The following SYT15 variants were observed in gnomAD, a reference collection of about 807,000 sequenced individuals.
SYT15 encodes the protein synaptotagmin-15.
SYT15 carries 4 observed loss-of-function variants against 30.1 expected under a neutral mutation model. The ratio of observed to expected loss-of-function variants is 0.13; its 90% CI spans 0.07 to 0.30. SYT15 has a LOEUF of 0.30. Among genes scored for constraint, SYT15 ranks in the 10% least tolerant of loss-of-function variants. The pLI, the probability that SYT15 is intolerant of heterozygous loss-of-function variation, is 1.00. For missense variants in SYT15, 49 were observed against 371.7 expected (o/e 0.13, Z 7.14); for synonymous variants, 19 against 166.3 (o/e 0.11, Z 6.82).
downstream of SYT15, among the ~76,000 whole-genome samples, chr10:46,594,800 T>A (rs1342597476): frequency 3.8e-5 from 4 of 104,980 alleles, no homozygotes; most frequent in African/African-American, 1.8e-4. Flanking sequence ...AAAAACTTTT[T>A]AAAAAAGTTT....
At chr10:46,586,494 C>T (rs184990008) in intron 7 of SYT15, among the ~76,000 whole-genome samples, 1 of 90,314 alleles carries the variant, frequency 1.1e-5, no homozygotes, top group Non-Finnish European at 2.1e-5. Flanking sequence ...TGCAGTGAGC[C>T]GAGATCGCAC....
chr10:46,580,183 TG>T lies in SYT15; in HGVS notation c.32del (p.Gly11AlafsTer11). ...CCCCAGAGCAGCTGGCCCTGGTGAT[TG>T]GGGGCACCATCGGGGGGCTGCTGCT... MAEQLALVIGGTIGGLLLLL... is the reference protein window; with the variant it reads MAEQLALVIXGTIGGLLLLL... On this transcript the variant is annotated frameshift_variant, in exon 2 of 8. Coordinates refer to ENST00000374321, the MANE Select transcript of SYT15 (RefSeq NM_031912.5). LOFTEE classifies it high-confidence loss of function. 1.7e-6 allele frequency: 2 copies of T among 1,210,106 alleles called. No homozygotes were observed. 75.0% of individuals were successfully genotyped at this position (1,210,106 alleles called of 1,614,324 possible).
rs1201121480 is a variant in SYT15 at position 46,580,608 on chromosome 10, T to C, written c.212+240T>C. Among the ~76,000 whole-genome samples, 3 of 135,706 alleles carry C rather than the reference T, an allele frequency of 2.2e-5. 1 individual carries two copies. Among genetic ancestry groups the C allele is most frequent in the African/African-American group, 6.0e-5 (2 of 33,330 alleles). 89.0% of individuals were successfully genotyped at this position (135,706 alleles called of 152,430 possible). Reference sequence around the variant, plus strand: ...AGGTCCAGAGAACACAATTAGTAAGTGGCAGAACAGGAATCCAAACCCAGA... The same window carrying C: ...AGGTCCAGAGAACACAATTAGTAAGCGGCAGAACAGGAATCCAAACCCAGA... On this transcript the variant is annotated intron_variant, in intron 2 of 7. Transcript: ENST00000374321.
At chr10:46,595,723 A>G (rs1845659026), downstream of SYT15, among the ~76,000 whole-genome samples, 1 of 131,692 alleles carries the variant, frequency 7.6e-6, no homozygotes, top group Admixed American at 7.7e-5. Context: ...AAGTGCTGGG[A>G]TTACAGGTGT....
chr10:46,593,719 T>TC (rs1355746971), downstream of SYT15: 1 of 132,024 alleles, frequency 7.6e-6, no homozygotes, highest in Admixed American at 7.5e-5. Flanking sequence ...ATTTAACTGT[T>TC]CCTTCTGCCC....
Position 46,588,715 on chromosome 10 carries a change from G to A in SYT15, c.*1068G>A. The A allele has an allele frequency of 2.2e-6, 2 of 909,756 alleles. No individual in the cohort carries two copies. The highest frequency in any genetic ancestry group is 1.0e-4 in the South Asian group (2 of 19,570). The allele number at this position is 909,756 out of a possible 1,614,324, so 56.4% of individuals were successfully genotyped here. On this transcript the variant is annotated 3_prime_UTR_variant, in exon 8 of 8. Transcript: ENST00000374321. ...TTTTTTTTTTATTTTAATTTTTTGA[G>A]ACGGAGTTTCCCTCTTGTCACCCAG...
At chr10:46,586,628 C>T (rs556542348) in intron 7 of SYT15, among the ~76,000 whole-genome samples, 1 of 141,274 alleles carries the variant, frequency 7.1e-6, no homozygotes, top group Non-Finnish European at 1.5e-5. Flanking sequence ...GGGTGGATCA[C>T]GACGTCAAGA....
At chr10:46,594,683 C>T (rs1359347247), downstream of SYT15, among the ~76,000 whole-genome samples, 1 of 133,336 alleles carries the variant, frequency 7.5e-6, no homozygotes, top group Non-Finnish European at 1.6e-5. Flanking sequence ...AAAATCAGCA[C>T]GTTTCCTGAA....
chr10:46,596,168 C>CT, downstream of SYT15: 1 of 148,610 alleles, frequency 6.7e-6, no homozygotes, highest in Non-Finnish European at 1.5e-5. Context: ...GAGGAACCCC[C>CT]CTACTGCAGA....
intron 2 of SYT15, among the ~76,000 whole-genome samples, 190 bp from the exon 3 acceptor site, chr10:46,580,680 CTGTGTGTGTGTGTGTGTGTGTGTG>C (rs10588659): frequency 1.6e-5 from 2 of 125,354 alleles, no homozygotes; most frequent in East Asian, 4.3e-4. Context: ...AATCCCACTG[CTGTGTGTGTGTGTGTGTGTGTGTG>C]TGTGTGTGTG....
At chr10:46,596,120 A>AGCT (rs1845674406), downstream of SYT15, 1 of 146,486 alleles carries the variant, frequency 6.8e-6, no homozygotes, top group African/African-American at 2.6e-5. Context: ...TGGGATCTTC[A>AGCT]GGAATTTGTG....
chr10:46,593,784 C>T (rs3127772), downstream of SYT15, among the ~76,000 whole-genome samples: 44,974 of 47,220 alleles, frequency 0.95, 22,001 homozygotes, highest in East Asian at 1. Context: ...TGTTCACCAC[C>T]TCCCACAAGT....
At chr10:46,595,191 C>G (rs1845628825), downstream of SYT15, among the ~76,000 whole-genome samples, 1 of 132,022 alleles carries the variant, frequency 7.6e-6, no homozygotes, top group African/African-American at 3.1e-5. Context: ...GCAGTGGCGC[C>G]ATCTCAGCTC....
chr10:46,595,762 C>T (rs1555045469), downstream of SYT15, among the ~76,000 whole-genome samples: 1 of 128,578 alleles, frequency 7.8e-6, no homozygotes, highest in East Asian at 2.0e-4. Context: ...TGGCAACTCA[C>T]TTTCAAGCTG....
downstream of SYT15, chr10:46,596,137 T>C (rs1184169436): frequency 2.7e-5 from 4 of 146,962 alleles, no homozygotes; most frequent in Non-Finnish European, 3.0e-5. Flanking sequence ...TGTGCTTCGC[T>C]GTGCCCATCC....
chr10:46,596,725 C>G (rs1366124151), downstream of SYT15: 3 of 380,306 alleles, frequency 7.9e-6, no homozygotes, highest in Non-Finnish European at 1.5e-5. Flanking sequence ...TCCCTGCAAG[C>G]TAGTTGGGGA....
In SYT15 at chr10:46,590,516, G is replaced by GA. The variant is rs1215394293; in HGVS notation, c.*2873dup. The GA allele has an allele frequency of 1.2e-5, 1 of 81,510 alleles. No homozygotes were observed. Among genetic ancestry groups the GA allele is most frequent in the Non-Finnish European group, 2.3e-5 (1 of 42,804 alleles). The allele number at this position is 81,510 out of a possible 1,614,324, so 5.0% of individuals were successfully genotyped here. A position where few individuals can be genotyped will look rare whatever the true frequency, so the allele number is the denominator to read the frequency against. ...TGCACATGACATAATCTTGTCTATG[G>GA]AAAATCCTAAGGAATCCACACACAA... On this transcript the variant is annotated 3_prime_UTR_variant, in exon 8 of 8. Coordinates refer to ENST00000374321, the MANE Select transcript of SYT15 (RefSeq NM_031912.5).
Position 46,580,893 on chromosome 10 carries a change from G to A in SYT15, c.213-1G>A. ...CATGTTGTCTCCCTGACTCTGGACA[G>A]GCCACCAGCTGTGCCATTCGTGGTG... is the stretch of plus-strand genomic sequence containing the variant. On this transcript the variant is annotated splice_acceptor_variant, in intron 2 of 7. Transcript: ENST00000374321. LOFTEE classifies it high-confidence loss of function. The A allele has an allele frequency of 2.8e-6, 4 of 1,441,590 alleles. 2 individuals are homozygous for A. Among genetic ancestry groups the A allele is most frequent in the Non-Finnish European group, 3.7e-6 (4 of 1,089,654 alleles). The allele number at this position is 1,441,590 out of a possible 1,614,324, so 89.3% of individuals were successfully genotyped here.
At chr10:46,595,253 G>A (rs1555045259), downstream of SYT15, among the ~76,000 whole-genome samples, 13 of 120,960 alleles carry the variant, frequency 1.1e-4, no homozygotes, top group Middle Eastern at 5.7e-3. Context: ...TCAGTCTCCT[G>A]AGTAGCTGGG....
Sources: allele counts gnomAD v4.1 joint callset (sites outside exome capture counted in the v4.1 genomes callset), GRCh38; gene constraint gnomAD v4.1.1; transcripts MANE v1.5; gene names NCBI Gene and HGNC (gene_info 2026-07-23, HGNC 2026-07-21).